EBPL: variants seen among roughly 807,000 people sequenced by gnomAD.
EBPL encodes the protein EBP like.
In EBPL, 20 loss-of-function variants were observed where a neutral mutation model predicts 19.0. The observed-to-expected ratio is 1.05, with a 90% CI of 0.74 to 1.53. EBPL has a LOEUF of 1.53. Ranked by LOEUF, EBPL falls within the 40% of genes most tolerant of loss-of-function variation. The pLI, the probability that EBPL is intolerant of heterozygous loss-of-function variation, is 0.00. For synonymous variants in EBPL, 107 were observed against 117.0 expected (o/e 0.91, Z 0.55); for missense variants, 219 against 261.1 (o/e 0.84, Z 1.11).
chr13:49,691,397 C>A lies in EBPL; in HGVS notation c.28G>T (p.Glu10Ter). Residue 10 changes from glutamate (E) to a stop codon, truncating the protein, a stop_gained, in exon 1 of 4, where the codon GAG (glutamate) becomes TAG (stop). Transcript: ENST00000242827. LOFTEE classifies it high-confidence loss of function. MGAEWELGA[E>*]AGGSLLLCAA... ...CACAGCAGCAGCGAACCGCCAGCCTCGGCCCCCAGCTCCCACTCAGCGCCC... is the reference window on the plus strand; with the variant it reads ...CACAGCAGCAGCGAACCGCCAGCCTAGGCCCCCAGCTCCCACTCAGCGCCC... The A allele has an allele frequency of 1.5e-6, 2 of 1,362,208 alleles. No individual in the cohort carries two copies. Among genetic ancestry groups the A allele is most frequent in the South Asian group, 4.5e-5 (2 of 44,804 alleles). The allele number at this position is 1,362,208 out of a possible 1,614,324, so 84.4% of individuals were successfully genotyped here.
At chr13:49,669,634 A>G in intron 2 of EBPL, 143 bp downstream of exon 2, 1 of 693,970 alleles carries the variant, frequency 1.4e-6, no homozygotes, top group Non-Finnish European at 2.4e-6. Context: ...CGCAACCAGT[A>G]ATCTACAGTA....
At chr13:49,684,534 G>C (rs775384724) in intron 1 of EBPL, among the ~76,000 whole-genome samples, 4 of 152,150 alleles carry the variant, frequency 2.6e-5, no homozygotes, top group Non-Finnish European at 4.4e-5. Context: ...AAATAGCTGA[G>C]CACGGTGGCA....
At chr13:49,668,246 T>C (rs906448172) in intron 2 of EBPL, 2 of 169,166 alleles carry the variant, frequency 1.2e-5, no homozygotes, top group Non-Finnish European at 2.6e-5. Flanking sequence ...CCCACACAGA[T>C]CCTAGCTGGA....
chr13:49,688,978 T>C (rs1954031377), intron 1 of EBPL, among the ~76,000 whole-genome samples: 1 of 152,310 alleles, frequency 6.6e-6, no homozygotes, highest in East Asian at 1.9e-4. Flanking sequence ...GGTAGATGCA[T>C]TGTTTGTAAT....
chr13:49,691,048 G>A (rs780536196), intron 1 of EBPL, among the ~76,000 whole-genome samples: 11 of 152,224 alleles, frequency 7.2e-5, no homozygotes, highest in Non-Finnish European at 1.2e-4. Context: ...GGCAGCACAA[G>A]GTAAGCTGCG....
At chr13:49,673,500 C>T (rs1953840601) in intron 1 of EBPL, among the ~76,000 whole-genome samples, 3 of 152,156 alleles carry the variant, frequency 2.0e-5, no homozygotes, top group South Asian at 4.1e-4. Flanking sequence ...TGCAGTGGCT[C>T]GATCTTGGCT....
At chr13:49,672,816 T>C (rs1384481599) in intron 1 of EBPL, among the ~76,000 whole-genome samples, 1 of 152,112 alleles carries the variant, frequency 6.6e-6, no homozygotes, top group East Asian at 1.9e-4. Flanking sequence ...TCCCAGCACT[T>C]TGGGAGGCCT....
At chr13:49,691,195 GC>G (rs1345104418) in intron 1 of EBPL, 58 bp downstream of exon 1, 1 of 1,260,472 alleles carries the variant, frequency 7.9e-7, no homozygotes, top group Non-Finnish European at 1.0e-6. Context: ...ACCCCGCCTT[GC>G]CGCCCCCGCT....
chr13:49,681,795 G>A (rs1953945901), intron 1 of EBPL, among the ~76,000 whole-genome samples: 2 of 152,166 alleles, frequency 1.3e-5, no homozygotes, highest in South Asian at 4.1e-4. Flanking sequence ...AACACATACT[G>A]AGGCTGAGTT....
Sources: gnomAD v4.1 joint callset for allele counts (sites outside exome capture counted in the v4.1 genomes callset) on GRCh38, gnomAD v4.1.1 for gene constraint, MANE v1.5 for transcripts, NCBI Gene and HGNC (gene_info 2026-07-23, HGNC 2026-07-21) for gene names.